The following IKZF2 variants were observed in gnomAD, a reference collection of about 807,000 sequenced individuals.
The protein encoded by IKZF2 is IKAROS family zinc finger 2.
IKZF2 carries 15 observed loss-of-function variants against 49.2 expected under a neutral mutation model. The ratio of observed to expected loss-of-function variants is 0.30; its 90% CI spans 0.20 to 0.47. The LOEUF (loss-of-function observed/expected upper bound fraction) is 0.47, where lower values mean the gene tolerates loss of function less well. Among genes scored for constraint, IKZF2 ranks in the 20% least tolerant of loss-of-function variants. The pLI, the probability that IKZF2 is intolerant of heterozygous loss-of-function variation, is 1.00. For missense variants in IKZF2, 567 were observed against 664.6 expected, an observed-to-expected ratio of 0.85 and a Z score of 1.61; for synonymous variants, 227 against 221.4, an observed-to-expected ratio of 1.03 and a Z score of -0.23.
At chr2:213,110,358 T>C (rs557347621) in intron 4 of IKZF2, among the ~76,000 whole-genome samples, 142 of 152,058 alleles carry the variant, frequency 9.3e-4, no homozygotes, top group African/African-American at 3.2e-3. Flanking sequence ...TTCATTACCT[T>C]CTTGTTTATC....
chr2:213,130,977 T>C (rs2125895271), intron 4 of IKZF2, among the ~76,000 whole-genome samples: 1 of 152,298 alleles, frequency 6.6e-6, no homozygotes, highest in South Asian at 2.1e-4. Context: ...TTCTTGCAGC[T>C]ATAGGAATGA....
chr2:213,144,806 A>T (rs1445065246), intron 4 of IKZF2, among the ~76,000 whole-genome samples: 1 of 151,958 alleles, frequency 6.6e-6, no homozygotes, highest in African/African-American at 2.4e-5. Flanking sequence ...AAATTCATTC[A>T]AAACCATAGG....
intron 4 of IKZF2, among the ~76,000 whole-genome samples, chr2:213,069,835 G>T (rs972152885): frequency 6.6e-6 from 1 of 152,046 alleles, no homozygotes; most frequent in Non-Finnish European, 1.5e-5. Context: ...TATGTTTTTG[G>T]CAAGAGTAAG....
rs1309490819 is a variant in IKZF2, at chr2:213,151,502, C to CT, written c.-210dup. On this transcript the variant is annotated 5_prime_UTR_variant, in exon 1 of 9. Transcript: ENST00000434687. ...CTCTGTCTTTCTTTCTTTCCTGTGC[C>CT]TAACGTGTGTTTGTGCACTGCAGTT... 6.6e-6 allele frequency: 1 copy of CT among 152,660 alleles called. No homozygotes were observed. The highest frequency in any genetic ancestry group is 1.5e-5 in the Non-Finnish European group (1 of 68,112). The allele number at this position is 152,660 out of a possible 1,614,324, so 9.5% of individuals were successfully genotyped here.
At chr2:213,151,681 G>A (rs1019484334), upstream of IKZF2, 3 of 149,408 alleles carry the variant, frequency 2.0e-5, no homozygotes, top group African/African-American at 2.4e-5. Context: ...CCGCCGGCCG[G>A]GCTCGCGCAG....
At chr2:213,126,360 G>A (rs534387266) in intron 4 of IKZF2, among the ~76,000 whole-genome samples, 1 of 152,274 alleles carries the variant, frequency 6.6e-6, no homozygotes, top group African/African-American at 2.4e-5. Flanking sequence ...TTTGAGAGTA[G>A]GGTCAATGCT....
chr2:213,097,212 T>TA (rs1285535080), intron 4 of IKZF2, among the ~76,000 whole-genome samples: 2 of 151,932 alleles, frequency 1.3e-5, no homozygotes, highest in Non-Finnish European at 2.9e-5. Flanking sequence ...ATGGTGATTC[T>TA]AAAAAATATG....
chr2:213,066,853 A>G (rs1011107207), intron 4 of IKZF2, among the ~76,000 whole-genome samples: 12 of 152,242 alleles, frequency 7.9e-5, no homozygotes, highest in African/African-American at 2.6e-4. Context: ...AAATCATGGA[A>G]ATACCAGATT....
chr2:213,045,799 C>A (rs1700097573), intron 6 of IKZF2, among the ~76,000 whole-genome samples: 1 of 152,142 alleles, frequency 6.6e-6, no homozygotes, highest in Non-Finnish European at 1.5e-5. Context: ...GTGGTGGCCT[C>A]TCTAGATTTT....
At chr2:213,135,786 A>T (rs1489736209) in intron 4 of IKZF2, among the ~76,000 whole-genome samples, 1 of 151,964 alleles carries the variant, frequency 6.6e-6, no homozygotes. Context: ...ACAAGACAAG[A>T]GATGAAAAGA....
chr2:213,099,893 T>C (rs1706454780), intron 4 of IKZF2, among the ~76,000 whole-genome samples: 1 of 152,126 alleles, frequency 6.6e-6, no homozygotes, highest in South Asian at 2.1e-4. Context: ...TAATGATAGT[T>C]ATTACTAGGT....
Position 213,007,103 on chromosome 2 carries a change from G to T in IKZF2, c.*257C>A. 1 of 375,698 alleles carries T rather than the reference G, an allele frequency of 2.7e-6. No homozygotes were observed. The highest frequency in any genetic ancestry group is 4.8e-6 in the Non-Finnish European group (1 of 209,368). 23.3% of individuals were successfully genotyped at this position (375,698 alleles called of 1,614,324 possible). On this transcript the variant is annotated 3_prime_UTR_variant, in exon 9 of 9. Coordinates refer to ENST00000434687, the MANE Select transcript of IKZF2 (RefSeq NM_001387220.1). ...TGATATGCCTTGGTAGAAATGGACT[G>T]CTCTTAAATTCCCACAAAATAAACA...
At chr2:213,113,505 T>G (rs1019304405) in intron 4 of IKZF2, among the ~76,000 whole-genome samples, 4 of 152,208 alleles carry the variant, frequency 2.6e-5, no homozygotes, top group African/African-American at 9.6e-5. Context: ...CTGGGATTTA[T>G]CCATTGTACA....
At chr2:213,027,468 T>C (rs1317365272) in intron 6 of IKZF2, among the ~76,000 whole-genome samples, 2 of 152,172 alleles carry the variant, frequency 1.3e-5, no homozygotes, top group Non-Finnish European at 2.9e-5. Flanking sequence ...CACACCTTAC[T>C]GATAACTCAG....
intron 4 of IKZF2, among the ~76,000 whole-genome samples, chr2:213,101,557 A>AC (rs944716659): frequency 1.3e-5 from 2 of 151,770 alleles, no homozygotes; most frequent in African/African-American, 4.8e-5. Flanking sequence ...GATTACAAAA[A>AC]AAAAATTAGT....
rs1443268550 is a variant in IKZF2, at chr2:213,003,319, T to C, written c.*4041A>G. On this transcript the variant is annotated 3_prime_UTR_variant, in exon 9 of 9. Coordinates refer to ENST00000434687, the MANE Select transcript of IKZF2 (RefSeq NM_001387220.1). ...ATTAAAAATATGTCTAAGATAACTT[T>C]CATATACACAAACTTCAATTTCACC... The C allele has an allele frequency of 6.6e-6, 1 of 152,068 alleles. No individual in the cohort carries two copies. Among genetic ancestry groups the C allele is most frequent in the Non-Finnish European group, 1.5e-5 (1 of 67,660 alleles). The allele number at this position is 152,068 out of a possible 1,614,324, so 9.4% of individuals were successfully genotyped here. A position where few individuals can be genotyped will look rare whatever the true frequency, so the allele number is the denominator to read the frequency against.
At chr2:213,142,685 C>T (rs1425881946) in intron 4 of IKZF2, among the ~76,000 whole-genome samples, 1 of 151,942 alleles carries the variant, frequency 6.6e-6, no homozygotes, top group East Asian at 1.9e-4. Context: ...AATTCTAACC[C>T]AGGCCAGCAT....
At position 213,105,195 on chromosome 2, in the gene IKZF2, G is replaced by C. The variant is rs184804860; in HGVS notation, c.139+42513C>G. ...ATTTATTCCCCTGACCCTCCCAAAA[G>C]GTTTGACTCCTCTTCTACTGCAAAG... On this transcript the variant is annotated intron_variant, in intron 4 of 8. Transcript: ENST00000434687. Among the ~76,000 whole-genome samples the C allele has an allele frequency of 5.9e-5, 9 of 152,136 alleles. No individual in the cohort carries two copies. The East Asian group carries it at 1.7e-3, about 29-fold the overall frequency.
chr2:213,086,595 A>G (rs1704631171), intron 4 of IKZF2, among the ~76,000 whole-genome samples: 1 of 152,112 alleles, frequency 6.6e-6, no homozygotes, highest in South Asian at 2.1e-4. Context: ...GCATATCCCT[A>G]AAGATGTCCA....
Sources: gnomAD v4.1 joint callset for allele counts (sites outside exome capture counted in the v4.1 genomes callset) on GRCh38, gnomAD v4.1.1 for gene constraint, MANE v1.5 for transcripts, NCBI Gene and HGNC (gene_info 2026-07-23, HGNC 2026-07-21) for gene names.